NCOR1: variants seen among roughly 807,000 people sequenced by gnomAD.
NCOR1 encodes nuclear receptor corepressor 1.
A neutral mutation model predicts 288.1 loss-of-function variants in NCOR1; 63 were observed. The observed-to-expected ratio is 0.22, with a 90% CI of 0.18 to 0.27. NCOR1 has a LOEUF of 0.27. Among genes scored for constraint, NCOR1 ranks in the 10% least tolerant of loss-of-function variants. The pLI is 1.00. For missense variants in NCOR1, 2,397 were observed against 3,019.2 expected, an observed-to-expected ratio of 0.79 and a Z score of 4.83; for synonymous variants, 1,007 against 1,065.9, an observed-to-expected ratio of 0.94 and a Z score of 1.08.
rs199804512 is a variant in NCOR1 at position 16,057,635 on chromosome 17, T to G, written c.6271A>C (p.Thr2091Pro). 6.2e-7 allele frequency: 1 copy of G among 1,613,928 alleles called. No individual in the cohort carries two copies. Among genetic ancestry groups the G allele is most frequent in the African/African-American group, 1.3e-5 (1 of 74,854 alleles). ...FQNSPSALVSTPVRTKTSNRY... is the reference protein window; with the variant it reads ...FQNSPSALVSPPVRTKTSNRY... ...TTTGATGTTTTAGTCCTCACAGGTG[T>G]AGATACCAAAGCAGAAGGTGAGTTC... is the stretch of plus-strand genomic sequence containing the variant. Residue 2091 changes from threonine (T) to proline (P), a missense_variant, in exon 40 of 46, where the codon ACA becomes CCA. Coordinates refer to ENST00000268712, the MANE Select transcript of NCOR1 (RefSeq NM_006311.4).
chr17:16,069,539 G>GC (rs2061504583), intron 31 of NCOR1, among the ~76,000 whole-genome samples: 1 of 152,224 alleles, frequency 6.6e-6, no homozygotes, highest in Non-Finnish European at 1.5e-5. Flanking sequence ...CTCAACTGAT[G>GC]TAGCTGCCAG....
chr17:16,119,821 A>G (rs1347945957), intron 16 of NCOR1, among the ~76,000 whole-genome samples: 1 of 152,068 alleles, frequency 6.6e-6, no homozygotes, highest in Admixed American at 6.6e-5. Flanking sequence ...CAAAGGAAGA[A>G]GCAACCCTCC....
intron 22 of NCOR1, among the ~76,000 whole-genome samples, 181 bp from the exon 23 acceptor site, chr17:16,086,623 A>C (rs1339148405): frequency 1.3e-5 from 2 of 152,158 alleles, no homozygotes; most frequent in Admixed American, 1.3e-4. Context: ...ATTTGTCACA[A>C]ATACTATTTG....
chr17:16,188,956 C>A (rs904238311), intron 2 of NCOR1, among the ~76,000 whole-genome samples: 3 of 151,662 alleles, frequency 2.0e-5, no homozygotes, highest in African/African-American at 7.3e-5. Flanking sequence ...ACCTGGGAGG[C>A]GGAGTTTGCA....
chr17:16,062,252 C>T lies in NCOR1; in HGVS notation c.5240G>A (p.Arg1747Gln), dbSNP rs554764533. Residue 1747 changes from arginine (R) to glutamine (Q), a missense_variant, in exon 36 of 46, where the codon CGA becomes CAA. Physicochemically the swap from Arg to Gln is conservative, Grantham distance 43. Around this residue, in one of 11 missense-constraint regions of NCOR1, gnomAD observed 1,872 missense variants for 2,187.8 expected, o/e 0.86. Transcript: ENST00000268712. ...YLRPGSEQPG[R>Q]PGSHGYVRSP... is the part of the protein sequence containing the mutation. ...GCGAACATATCCATGACTGCCAGGT[C>T]GGCCAGGCTGTTCTGAGCCTGCAGA... The T allele has an allele frequency of 9.9e-5, 159 of 1,608,760 alleles. 2 individuals carry two copies. Among genetic ancestry groups the T allele is most frequent in the South Asian group, 6.8e-4 (61 of 89,708 alleles).
intron 15 of NCOR1, 41 bp from the exon 16 acceptor site, chr17:16,121,310 T>C: frequency 2.0e-6 from 3 of 1,504,440 alleles, no homozygotes; most frequent in Admixed American, 1.9e-5. Flanking sequence ...GATTCCAAAG[T>C]ATACATACAT....
At chr17:16,120,388 C>A (rs1215986053) in intron 16 of NCOR1, among the ~76,000 whole-genome samples, 2 of 152,132 alleles carry the variant, frequency 1.3e-5, no homozygotes, top group Non-Finnish European at 2.9e-5. Context: ...CCCATCATGA[C>A]CTGCCCCAAC....
At chr17:16,211,682 G>GA (rs901053765) in intron 1 of NCOR1, among the ~76,000 whole-genome samples, 52 of 146,094 alleles carry the variant, frequency 3.6e-4, no homozygotes, top group East Asian at 2.4e-3. Context: ...CAAATGCAAA[G>GA]AAAAAAAAAA....
chr17:16,049,291 A>G (rs922307432), intron 40 of NCOR1: 21 of 191,550 alleles, frequency 1.1e-4, no homozygotes, highest in African/African-American at 4.6e-4. Context: ...GAGGCTCCGC[A>G]TGTCCTTCAA....
chr17:16,058,559 C>T lies in NCOR1; in HGVS notation c.5922G>A (p.Glu1974=). Residue 1974 remains glutamate (E), a synonymous_variant, in exon 38 of 46, where the codon GAG becomes GAA. Transcript: ENST00000268712. ...HRYETPSDAI[E]VISPASSPAP... ...CAGGTGAGCTGGCAGGACTTATCAC[C>T]TCAATAGCATCGCTAGGTGTTTCAT... is the stretch of plus-strand genomic sequence containing the variant. The T allele has an allele frequency of 1.9e-6, 3 of 1,613,460 alleles. No homozygotes were observed. The highest frequency in any genetic ancestry group is 2.2e-5 in the East Asian group (1 of 44,878).
chr17:16,138,138 C>G lies in NCOR1; in HGVS notation c.1407+20G>C. 1 of 1,601,660 alleles carries G rather than the reference C, an allele frequency of 6.2e-7. No individual in the cohort carries two copies. The highest frequency in any genetic ancestry group is 8.5e-7 in the Non-Finnish European group (1 of 1,169,620). On this transcript the variant is annotated intron_variant, in intron 13 of 45. Transcript: ENST00000268712. Reference sequence around the variant, plus strand: ...ACCATCACAAACCTACAAACACTCCCAATGCAAACCATGTCTTACCTTCCT... The same window carrying G: ...ACCATCACAAACCTACAAACACTCCGAATGCAAACCATGTCTTACCTTCCT...
intron 14 of NCOR1, among the ~76,000 whole-genome samples, chr17:16,127,129 G>A (rs2074223600): frequency 7.6e-6 from 1 of 131,532 alleles, no homozygotes; most frequent in Admixed American, 7.8e-5. Context: ...ATATCTGTAT[G>A]TATATATACA....
intron 1 of NCOR1, among the ~76,000 whole-genome samples, chr17:16,196,791 T>TAC (rs2089904802): frequency 1.5e-5 from 2 of 129,814 alleles, no homozygotes; most frequent in Non-Finnish European, 3.1e-5. Flanking sequence ...GGCCACTGCA[T>TAC]GCCAGCCTGG....
At chr17:16,127,807 C>A (rs1446171231) in intron 14 of NCOR1, among the ~76,000 whole-genome samples, 1 of 151,202 alleles carries the variant, frequency 6.6e-6, no homozygotes, top group African/African-American at 2.4e-5. Context: ...TTTCAAGCAT[C>A]CACTGGGAGT....
chr17:16,086,581 T>A, intron 22 of NCOR1, 139 bp from the exon 23 acceptor site: 1 of 797,796 alleles, frequency 1.3e-6, no homozygotes, highest in Non-Finnish European at 1.9e-6. Context: ...ATTTCTATTT[T>A]AAATTTCTCA....
intron 4 of NCOR1, among the ~76,000 whole-genome samples, chr17:16,170,575 C>CT (rs1167362927): frequency 2.6e-5 from 4 of 152,084 alleles, no homozygotes; most frequent in Non-Finnish European, 5.9e-5. Context: ...TGGCTCATGC[C>CT]TGTAATCCCA....
At chr17:16,086,244 T>G in intron 23 of NCOR1, 38 bp downstream of exon 23, 1 of 1,589,132 alleles carries the variant, frequency 6.3e-7, no homozygotes, top group South Asian at 1.1e-5. Flanking sequence ...CAAAGCCATA[T>G]TCAACAAGAA....
At chr17:16,040,854 A>C in intron 42 of NCOR1, 1 of 231,358 alleles carries the variant, frequency 4.3e-6, no homozygotes, top group South Asian at 6.2e-5. Flanking sequence ...ACACAGTGAG[A>C]CTCTCCCATC....
intron 19 of NCOR1, chr17:16,108,121 A>C (rs972771724): frequency 1.8e-5 from 3 of 164,568 alleles, no homozygotes; most frequent in Non-Finnish European, 4.0e-5. Context: ...TGTTTAATTT[A>C]TAATATATGA....
Sources: gnomAD v4.1 joint callset for allele counts (sites outside exome capture counted in the v4.1 genomes callset) on GRCh38, gnomAD v4.1.1 for gene constraint, gnomAD v4.1.1 regional missense constraint, MANE v1.5 for transcripts, NCBI Gene and HGNC (gene_info 2026-07-23, HGNC 2026-07-21) for gene names.